PTGES: variants seen among roughly 807,000 people sequenced by gnomAD.
PTGES encodes the protein prostaglandin E synthase.
In PTGES, 3 loss-of-function variants were observed where a neutral mutation model predicts 11.8. The observed-to-expected ratio is 0.25, with a 90% CI of 0.12 to 0.66. The LOEUF is 0.66. PTGES is among the 30% of genes least tolerant of loss of function. The pLI, the probability that PTGES is intolerant of heterozygous loss-of-function variation, is 0.82. For missense variants in PTGES, 180 were observed against 213.0 expected (o/e 0.85, Z 0.96); for synonymous variants, 94 against 90.4 (o/e 1.04, Z -0.22).
intron 1 of PTGES, 48 bp from the exon 2 acceptor site, chr9:129,748,785 G>T (rs201305360): frequency 2.1e-5 from 31 of 1,468,956 alleles, no homozygotes; most frequent in Admixed American, 3.9e-5. Context: ...AAACGGCCCA[G>T]TCACCTGGGG....
chr9:129,743,607 G>T (rs1833021651), intron 2 of PTGES, among the ~76,000 whole-genome samples: 2 of 152,190 alleles, frequency 1.3e-5, no homozygotes, highest in South Asian at 4.1e-4. Flanking sequence ...CCGCTCCACA[G>T]GGTCTCCTCT....
Position 129,748,638 on chromosome 9 carries a change from G to C in PTGES, c.209+17C>G, listed in dbSNP as rs1833070151. On this transcript the variant is annotated intron_variant, in intron 2 of 2. Coordinates refer to ENST00000340607, the MANE Select transcript of PTGES (RefSeq NM_004878.5). ...CCATGGCCAGGTGTGGCCAGGCCAG[G>C]GGCCCGAAGTACTTGCCTGAGGCAG... 2 of 1,557,682 alleles carry C rather than the reference G, an allele frequency of 1.3e-6. No homozygotes were observed. Among genetic ancestry groups the C allele is most frequent in the Non-Finnish European group, 1.7e-6 (2 of 1,158,092 alleles).
At chr9:129,752,797 G>A in intron 1 of PTGES, 90 bp downstream of exon 1, 2 of 1,594,130 alleles carry the variant, frequency 1.3e-6, no homozygotes, top group South Asian at 1.1e-5. Flanking sequence ...CACACACCTT[G>A]GCCATGTTTC....
In PTGES at chr9:129,748,685, C is replaced by T; in HGVS notation, c.179G>A (p.Arg60Lys). The change falls in exon 2 of 3, where the codon AGG (arginine) becomes AAG (lysine). Residue 60 changes from arginine to lysine, a missense_variant. Coordinates refer to ENST00000340607, the MANE Select transcript of PTGES (RefSeq NM_004878.5). ...GCAGCGTTCCACGTCGGGGTCGCTCCTGCAATACTGGGGGCCTCCGTGTCT... is the reference window on the plus strand; with the variant it reads ...GCAGCGTTCCACGTCGGGGTCGCTCTTGCAATACTGGGGGCCTCCGTGTCT... ...ALRHGGPQYC[R>K]SDPDVERCLR... 1 of 1,585,608 alleles carries T rather than the reference C, an allele frequency of 6.3e-7. No homozygotes were observed. The highest frequency in any genetic ancestry group is 2.4e-5 in the East Asian group (1 of 41,992).
chr9:129,746,077 C>T (rs953627214), intron 2 of PTGES, among the ~76,000 whole-genome samples: 1 of 151,924 alleles, frequency 6.6e-6, no homozygotes, highest in Non-Finnish European at 1.5e-5. Flanking sequence ...TGTCTCGGCG[C>T]CACCCGGGTC....
At position 129,748,722 on chromosome 9, in the gene PTGES, C is replaced by A; in HGVS notation, c.142G>T (p.Glu48Ter). Residue 48 changes from glutamate (E) to a stop codon, truncating the protein, a stop_gained, in exon 2 of 3, where the codon GAG becomes TAG. Coordinates refer to ENST00000340607, the MANE Select transcript of PTGES (RefSeq NM_004878.5). LOFTEE classifies it high-confidence loss of function. Reference sequence around the variant, plus strand: ...GGGCCTCCGTGTCTCAGGGCATCCTCGGGGTTGGCAAAGGCCTGAAATATA... The same window carrying A: ...GGGCCTCCGTGTCTCAGGGCATCCTAGGGGTTGGCAAAGGCCTGAAATATA... ...RLRKKAFANPEDALRHGGPQY... is the reference protein window; with the variant it reads ...RLRKKAFANP 1 of 1,591,364 alleles carries A rather than the reference C, an allele frequency of 6.3e-7. No homozygotes were observed. Among genetic ancestry groups the A allele is most frequent in the Non-Finnish European group, 8.5e-7 (1 of 1,171,896 alleles).
At chr9:129,751,253 G>A (rs913386834) in intron 1 of PTGES, among the ~76,000 whole-genome samples, 1 of 151,638 alleles carries the variant, frequency 6.6e-6, no homozygotes, top group Admixed American at 6.6e-5. Flanking sequence ...AGCCCAGGAA[G>A]TCGAGGCTAC....
chr9:129,751,246 C>T (rs1201188181), intron 1 of PTGES, among the ~76,000 whole-genome samples: 1 of 151,738 alleles, frequency 6.6e-6, no homozygotes, highest in African/African-American at 2.4e-5. Flanking sequence ...TCACCTGAGC[C>T]CAGGAAGTCG....
chr9:129,743,839 G>A (rs543369675), intron 2 of PTGES, among the ~76,000 whole-genome samples: 1 of 152,214 alleles, frequency 6.6e-6, no homozygotes, highest in Non-Finnish European at 1.5e-5. Context: ...CAACACTCCT[G>A]GACACTGAGT....
chr9:129,752,688 T>A (rs1191909831), intron 1 of PTGES, among the ~76,000 whole-genome samples, 199 bp downstream of exon 1: 2 of 152,218 alleles, frequency 1.3e-5, no homozygotes, highest in African/African-American at 4.8e-5. Context: ...GAGTAAGTGC[T>A]CTTAAGCCAG....
Position 129,744,305 on chromosome 9 carries a change from G to T in PTGES, c.209+4350C>A, listed in dbSNP as rs1833029324. Among the ~76,000 whole-genome samples the T allele has an allele frequency of 2.0e-5, 3 of 152,156 alleles. No individual in the cohort carries two copies. The South Asian group carries it at 6.2e-4, about 31-fold the overall frequency. ...CCAAATGAATCAAAAGCACGTTATG[G>T]GGCTGGGTGTGGTGGCACACACCTG... On this transcript the variant is annotated intron_variant, in intron 2 of 2. Transcript: ENST00000340607.
In PTGES at chr9:129,748,722, C is replaced by T. The variant is rs1165385147; in HGVS notation, c.142G>A (p.Glu48Lys). 1.9e-6 allele frequency: 3 copies of T among 1,591,246 alleles called. No homozygotes were observed. The highest frequency in any genetic ancestry group is 1.1e-5 in the South Asian group (1 of 87,554). The stretch of plus-strand genomic sequence containing the variant: ...GGGCCTCCGTGTCTCAGGGCATCCT[C>T]GGGGTTGGCAAAGGCCTGAAATATA... ...RLRKKAFANP[E>K]DALRHGGPQY... Residue 48 changes from glutamate to lysine, a missense_variant, in exon 2 of 3, where the codon GAG (glutamate) becomes AAG (lysine). Transcript: ENST00000340607.
chr9:129,750,772 G>A (rs1355111318), intron 1 of PTGES, among the ~76,000 whole-genome samples: 1 of 152,250 alleles, frequency 6.6e-6, no homozygotes, highest in African/African-American at 2.4e-5. Flanking sequence ...CCCGTTTACA[G>A]GTGAGGACAC....
At chr9:129,750,442 G>A (rs77655561) in intron 1 of PTGES, among the ~76,000 whole-genome samples, 1,627 of 152,296 alleles carry the variant, frequency 0.011, 17 homozygotes, top group Middle Eastern at 0.048. Context: ...GGCTCTGTCC[G>A]TGGATCTGTG....
intron 2 of PTGES, among the ~76,000 whole-genome samples, chr9:129,747,897 C>G (rs10448288): frequency 6.7e-6 from 1 of 150,270 alleles, no homozygotes; most frequent in Non-Finnish European, 1.5e-5. Context: ...GTAGCCCCAG[C>G]TACTTGGGAG....
At chr9:129,741,028 T>G (rs577775750) in intron 2 of PTGES, among the ~76,000 whole-genome samples, 2 of 152,308 alleles carry the variant, frequency 1.3e-5, no homozygotes, top group East Asian at 3.9e-4. Flanking sequence ...AGACGATTCT[T>G]GGGCCAGTGC....
intron 2 of PTGES, among the ~76,000 whole-genome samples, chr9:129,742,328 C>CAAAAAAAAAAAAAA (rs1194614585): frequency 2.0e-5 from 1 of 51,110 alleles, no homozygotes; most frequent in Non-Finnish European, 4.3e-5. Flanking sequence ...GACTCTGTCT[C>CAAAAAAAAAAAAAA]AAAAAAAAAA....
At chr9:129,743,375 C>T (rs1226449601) in intron 2 of PTGES, among the ~76,000 whole-genome samples, 1 of 152,226 alleles carries the variant, frequency 6.6e-6, no homozygotes, top group Non-Finnish European at 1.5e-5. Context: ...GCACGTACCA[C>T]AGACGTGCTC....
In PTGES at chr9:129,745,347, G is replaced by A. The variant is rs1833039796; in HGVS notation, c.209+3308C>T. 6.6e-6 allele frequency among the ~76,000 whole-genome samples: 1 copy of A among 152,208 alleles called. No individual in the cohort carries two copies. Among genetic ancestry groups the A allele is most frequent in the Admixed American group, 6.5e-5 (1 of 15,278 alleles). On this transcript the variant is annotated intron_variant, in intron 2 of 2. Transcript: ENST00000340607. This position sits in a 1 kb window ranked among gnomAD's most constrained non-coding sequence, Gnocchi z 4.2. ...GCAGCATGTGCTAACCTGCAAGGCAGATTCATGCTCCAAGAACCAAGACTG... is the reference window on the plus strand; with the variant it reads ...GCAGCATGTGCTAACCTGCAAGGCAAATTCATGCTCCAAGAACCAAGACTG...
Sources: gnomAD v4.1 joint callset for allele counts (sites outside exome capture counted in the v4.1 genomes callset) on GRCh38, gnomAD v4.1.1 for gene constraint, Gnocchi (gnomAD v3.1) non-coding constraint, MANE v1.5 for transcripts, NCBI Gene and HGNC (gene_info 2026-07-23, HGNC 2026-07-21) for gene names.